The following KCTD8 variants were observed in gnomAD, a reference collection of about 807,000 sequenced individuals.
KCTD8 encodes potassium channel tetramerization domain containing 8.
A neutral mutation model predicts 31.5 loss-of-function variants in KCTD8; 27 were observed. That is an observed-to-expected ratio of 0.86 (90% CI 0.63 to 1.18). The LOEUF (loss-of-function observed/expected upper bound fraction) is 1.18. KCTD8 is among the 50% of genes most tolerant of loss of function. The pLI, the probability that KCTD8 is intolerant of heterozygous loss-of-function variation, is 0.00. For missense variants in KCTD8, 658 were observed against 647.7 expected (o/e 1.02, Z -0.17); for synonymous variants, 290 against 280.0 (o/e 1.04, Z -0.36).
chr4:44,377,677 G>A (rs1719950853), intron 1 of KCTD8, among the ~76,000 whole-genome samples: 1 of 152,164 alleles, frequency 6.6e-6, no homozygotes, highest in Admixed American at 6.6e-5. Flanking sequence ...AGAAGGAAAG[G>A]AGAAAAGTCA....
At chr4:44,356,878 T>C (rs1394731655) in intron 1 of KCTD8, among the ~76,000 whole-genome samples, 1 of 152,190 alleles carries the variant, frequency 6.6e-6, no homozygotes, top group African/African-American at 2.4e-5. Flanking sequence ...GACTTGTCTG[T>C]GTGAGGATAT....
chr4:44,290,049 G>T (rs1474001009), intron 1 of KCTD8, among the ~76,000 whole-genome samples: 1 of 152,022 alleles, frequency 6.6e-6, no homozygotes, highest in Admixed American at 6.6e-5. Context: ...AGACCCAATT[G>T]TCTTCTGTCT....
chr4:44,232,883 A>T (rs1715165535), intron 1 of KCTD8, among the ~76,000 whole-genome samples: 1 of 152,062 alleles, frequency 6.6e-6, no homozygotes. Context: ...ATAAATGATG[A>T]AACAAACTAG....
chr4:44,324,839 CTCTTTT>C (rs1224123178), intron 1 of KCTD8, among the ~76,000 whole-genome samples: 1 of 151,948 alleles, frequency 6.6e-6, no homozygotes, highest in Non-Finnish European at 1.5e-5. Context: ...TCAATTACTT[CTCTTTT>C]TAAGAGGAAA....
chr4:44,435,039 T>C lies in KCTD8; in HGVS notation c.961+12524A>G, dbSNP rs540590685. On this transcript the variant is annotated intron_variant, in intron 1 of 1. Coordinates refer to ENST00000360029, the MANE Select transcript of KCTD8 (RefSeq NM_198353.3). Reference sequence around the variant, plus strand: ...AGGAGAAAGTTATTCACCTGGCAAATAGCTTGCATAGAACTTTCAACTTGT... The same window carrying C: ...AGGAGAAAGTTATTCACCTGGCAAACAGCTTGCATAGAACTTTCAACTTGT... Among the ~76,000 whole-genome samples the C allele has an allele frequency of 8.8e-4, 134 of 152,130 alleles. 1 individual carries two copies. In the Middle Eastern group the frequency reaches 0.01, roughly 12 times the overall value.
chr4:44,368,368 G>A (rs1719696340), intron 1 of KCTD8, among the ~76,000 whole-genome samples: 1 of 151,818 alleles, frequency 6.6e-6, no homozygotes, highest in South Asian at 2.1e-4. Flanking sequence ...CCAGGTGACT[G>A]AGCAAGACTC....
intron 1 of KCTD8, among the ~76,000 whole-genome samples, chr4:44,186,296 G>T (rs1454559137): frequency 6.6e-6 from 1 of 152,166 alleles, no homozygotes; most frequent in Non-Finnish European, 1.5e-5. Flanking sequence ...GAATTGCGTC[G>T]CCTTACTCCA....
intron 1 of KCTD8, among the ~76,000 whole-genome samples, chr4:44,196,020 T>C (rs1490942075): frequency 6.6e-6 from 1 of 152,214 alleles, no homozygotes; most frequent in Non-Finnish European, 1.5e-5. Flanking sequence ...AAGATAAGCA[T>C]GTTACATTAA....
intron 1 of KCTD8, among the ~76,000 whole-genome samples, chr4:44,416,505 C>G (rs183007164): frequency 2.0e-5 from 3 of 152,090 alleles, no homozygotes; most frequent in African/African-American, 4.8e-5. Context: ...ATGTTGGAGG[C>G]GGGACCTAGT....
Position 44,332,710 on chromosome 4 carries a change from A to G in KCTD8, c.961+114853T>C, listed in dbSNP as rs1718620817. 2.0e-5 allele frequency among the ~76,000 whole-genome samples: 3 copies of G among 151,968 alleles called. No homozygotes were observed. The South Asian group carries it at 6.2e-4, about 32-fold the overall frequency. On this transcript the variant is annotated intron_variant, in intron 1 of 1. Coordinates refer to ENST00000360029, the MANE Select transcript of KCTD8 (RefSeq NM_198353.3). ...ACTCTATTATCTCTTTCTTTTTTTA[A>G]AAAAGAAAACTCCATAGTTAGGAAA...
At chr4:44,367,101 G>A (rs1239908554) in intron 1 of KCTD8, among the ~76,000 whole-genome samples, 2 of 151,974 alleles carry the variant, frequency 1.3e-5, no homozygotes, top group African/African-American at 4.8e-5. Flanking sequence ...TCCTGCTACG[G>A]GCTCTTCACG....
intron 1 of KCTD8, among the ~76,000 whole-genome samples, chr4:44,336,023 G>T (rs1234545036): frequency 4.7e-5 from 7 of 148,446 alleles, no homozygotes; most frequent in African/African-American, 1.5e-4. Flanking sequence ...AGTGGCGGGC[G>T]CCTGTAGTCC....
At chr4:44,397,696 A>C (rs1720540976) in intron 1 of KCTD8, among the ~76,000 whole-genome samples, 1 of 152,154 alleles carries the variant, frequency 6.6e-6, no homozygotes, top group Non-Finnish European at 1.5e-5. Flanking sequence ...TTTTGTAAAA[A>C]TGAGATTATA....
rs1404492838 is a variant in KCTD8 at position 44,349,091 on chromosome 4, CACCACT to C, written c.961+98466_961+98471del. Among the ~76,000 whole-genome samples, 64 of 132,940 alleles carry C rather than the reference CACCACT, an allele frequency of 4.8e-4. 2 individuals carry two copies. The highest frequency in any genetic ancestry group is 1.1e-3 in the South Asian group (5 of 4,470). 87.2% of individuals were successfully genotyped at this position (132,940 alleles called of 152,430 possible). A position where few individuals can be genotyped will look rare whatever the true frequency, so the allele number is the denominator to read the frequency against. On this transcript the variant is annotated intron_variant, in intron 1 of 1. Transcript: ENST00000360029. ...CCACCGCCACCACCACCACCACCAC[CACCACT>C]ACCACCAATGCTATCATCATCATTT...
intron 1 of KCTD8, among the ~76,000 whole-genome samples, chr4:44,381,575 T>G (rs1301399701): frequency 6.6e-6 from 1 of 152,042 alleles, no homozygotes; most frequent in African/African-American, 2.4e-5. Flanking sequence ...ACAATTATAT[T>G]GTTTGGTTGT....
chr4:44,398,418 A>G (rs897342096), intron 1 of KCTD8, among the ~76,000 whole-genome samples: 7 of 152,172 alleles, frequency 4.6e-5, no homozygotes, highest in Non-Finnish European at 8.8e-5. Context: ...CATAAACACC[A>G]ATGATGATGT....
intron 1 of KCTD8, among the ~76,000 whole-genome samples, chr4:44,374,644 C>T (rs1456172403): frequency 6.6e-6 from 1 of 152,088 alleles, no homozygotes; most frequent in Admixed American, 6.6e-5. Context: ...AGACATGTGA[C>T]TCATTTCACT....
intron 1 of KCTD8, among the ~76,000 whole-genome samples, chr4:44,255,117 A>C (rs1393873226): frequency 6.6e-6 from 1 of 151,828 alleles, no homozygotes. Context: ...AGATAAGTGC[A>C]CCCTGCCTAT....
At chr4:44,215,461 A>C (rs2109345494) in intron 1 of KCTD8, among the ~76,000 whole-genome samples, 1 of 152,358 alleles carries the variant, frequency 6.6e-6, no homozygotes, top group Non-Finnish European at 1.5e-5. Context: ...ACTGCTAATA[A>C]CATTCTTTTA....
Sources: allele counts gnomAD v4.1 joint callset (sites outside exome capture counted in the v4.1 genomes callset), GRCh38; gene constraint gnomAD v4.1.1; transcripts MANE v1.5; gene names NCBI Gene and HGNC (gene_info 2026-07-23, HGNC 2026-07-21).